Variants in C10orf90 observed in about 807,000 individuals in gnomAD.
C10orf90 encodes (E2-independent) E3 ubiquitin-conjugating enzyme FATS.
C10orf90 carries 56 observed loss-of-function variants against 62.5 expected under a neutral mutation model. The ratio of observed to expected loss-of-function variants is 0.90; its 90% confidence interval spans 0.72 to 1.12. C10orf90 has a LOEUF of 1.12. Ranked by LOEUF, C10orf90 falls within the 50% of genes most tolerant of loss-of-function variation. The pLI is 0.00. For missense variants in C10orf90, 970 were observed against 880.4 expected, an observed-to-expected ratio of 1.10 and a Z score of -1.29; for synonymous variants, 386 against 340.4, an observed-to-expected ratio of 1.13 and a Z score of -1.47.
chr10:126,635,278 T>A (rs1845927327), intron 2 of C10orf90, among the ~76,000 whole-genome samples: 1 of 152,170 alleles, frequency 6.6e-6, no homozygotes, highest in South Asian at 2.1e-4. Context: ...ACGGTCCTAT[T>A]ACAGATTATT....
chr10:126,554,671 C>T (rs938754059), intron 2 of C10orf90, among the ~76,000 whole-genome samples: 4 of 152,214 alleles, frequency 2.6e-5, no homozygotes, highest in Admixed American at 2.0e-4. Flanking sequence ...CCATTCCCTG[C>T]TACCAACTTT....
rs1845358118 is a variant in C10orf90 at position 126,608,303 on chromosome 10, G to T, written c.313+38262C>A. Among the ~76,000 whole-genome samples the T allele has an allele frequency of 5.3e-5, 8 of 152,152 alleles. 1 individual carries two copies. The South Asian group carries it at 1.7e-3, about 32-fold the overall frequency. On this transcript the variant is annotated intron_variant, in intron 2 of 9. Transcript: ENST00000488181. ...TTGTTTAATTTTTTTGTAGAGAAGA[G>T]GTCTCACTATGTTGCCCAGGCTGGT...
At chr10:126,634,092 A>G (rs1845903399) in intron 2 of C10orf90, among the ~76,000 whole-genome samples, 1 of 152,320 alleles carries the variant, frequency 6.6e-6, no homozygotes, top group South Asian at 2.1e-4. Flanking sequence ...AAAATTAAAA[A>G]TAAAACTACC....
chr10:126,525,089 C>T (rs1370108), intron 2 of C10orf90, among the ~76,000 whole-genome samples: 9,874 of 152,222 alleles, frequency 0.065, 1,047 homozygotes, highest in African/African-American at 0.22. Flanking sequence ...TAAGGGAGAT[C>T]CATGCTGCAA....
chr10:126,641,972 T>A lies in C10orf90; in HGVS notation c.313+4593A>T, dbSNP rs532643123. On this transcript the variant is annotated intron_variant, in intron 2 of 9. Transcript: ENST00000488181. ...ATAGCTTCATTGTGAAAATGAAGGATGCAGAAATGAAAATTCAGAGATGAC... is the reference window on the plus strand; with the variant it reads ...ATAGCTTCATTGTGAAAATGAAGGAAGCAGAAATGAAAATTCAGAGATGAC... Among the ~76,000 whole-genome samples the A allele has an allele frequency of 6.6e-5, 10 of 152,288 alleles. No individual in the cohort carries two copies. The South Asian group carries it at 2.1e-3, about 32-fold the overall frequency.
At chr10:126,559,443 C>T (rs1444787184) in intron 2 of C10orf90, among the ~76,000 whole-genome samples, 1 of 152,170 alleles carries the variant, frequency 6.6e-6, no homozygotes, top group Admixed American at 6.5e-5. Context: ...TTGACGAGGG[C>T]AAGTTCTGTG....
intron 2 of C10orf90, among the ~76,000 whole-genome samples, chr10:126,609,109 G>T (rs747732358): frequency 6.6e-6 from 1 of 152,118 alleles, no homozygotes; most frequent in Non-Finnish European, 1.5e-5. Flanking sequence ...ATGAAATAAG[G>T]TATGTGAATC....
chr10:126,623,072 T>C (rs1456524723), intron 2 of C10orf90, among the ~76,000 whole-genome samples: 1 of 152,184 alleles, frequency 6.6e-6, no homozygotes, highest in Non-Finnish European at 1.5e-5. Flanking sequence ...GCCCCGACCC[T>C]GCCTGGCCAG....
intron 3 of C10orf90, among the ~76,000 whole-genome samples, chr10:126,513,238 C>T (rs531981816): frequency 1.3e-4 from 20 of 152,242 alleles, no homozygotes; most frequent in East Asian, 1.2e-3. Flanking sequence ...GCAGGTTATA[C>T]GAGCTGTGAG....
intron 2 of C10orf90, among the ~76,000 whole-genome samples, chr10:126,564,227 G>A (rs769789927): frequency 1.2e-4 from 18 of 151,956 alleles, no homozygotes; most frequent in African/African-American, 3.1e-4. Context: ...TCCTCTCCAC[G>A]CTGAGCATTT....
chr10:126,579,438 A>C (rs1295913738), intron 2 of C10orf90, among the ~76,000 whole-genome samples: 3 of 151,984 alleles, frequency 2.0e-5, no homozygotes, highest in Non-Finnish European at 4.4e-5. Flanking sequence ...ATGGGGTTTC[A>C]TCACATTGGC....
chr10:126,466,165 A>T (rs1035746768), intron 4 of C10orf90, among the ~76,000 whole-genome samples: 4 of 152,028 alleles, frequency 2.6e-5, no homozygotes, highest in Non-Finnish European at 5.9e-5. Flanking sequence ...AAATGGCCCC[A>T]CCATTGCTGC....
At chr10:126,622,012 C>T (rs888493308) in intron 2 of C10orf90, among the ~76,000 whole-genome samples, 2 of 152,066 alleles carry the variant, frequency 1.3e-5, no homozygotes, top group Non-Finnish European at 2.9e-5. Context: ...TAGCAAGCAT[C>T]GTCCTGGCCT....
chr10:126,574,040 G>A (rs1369610791), intron 2 of C10orf90, among the ~76,000 whole-genome samples: 1 of 152,130 alleles, frequency 6.6e-6, no homozygotes, highest in African/African-American at 2.4e-5. Context: ...AATTCTAGTA[G>A]TCAAATATTT....
chr10:126,656,219 T>TC lies in C10orf90; in HGVS notation c.241-9583_241-9582insG, dbSNP rs537567147. On this transcript the variant is annotated intron_variant, in intron 1 of 9. Coordinates refer to ENST00000488181, the MANE Select transcript of C10orf90 (RefSeq NM_001350921.2). ...GGCAACTCCCAAAGGAAGGTACTAC[T>TC]GTAATCCCATTCTAAAGGCAAAGAA... 2.0e-5 allele frequency among the ~76,000 whole-genome samples: 3 copies of TC among 152,326 alleles called. No homozygotes were observed. In the East Asian group the frequency reaches 5.8e-4, roughly 29 times the overall value.
chr10:126,637,027 C>T (rs1336062965), intron 2 of C10orf90, among the ~76,000 whole-genome samples: 1 of 151,966 alleles, frequency 6.6e-6, no homozygotes. Context: ...ATACAACTAA[C>T]AATTAATAAG....
chr10:126,474,017 A>T (rs1340617888), intron 4 of C10orf90, among the ~76,000 whole-genome samples: 1 of 152,170 alleles, frequency 6.6e-6, no homozygotes, highest in Non-Finnish European at 1.5e-5. Flanking sequence ...TGCTACTAAA[A>T]ATGTGGTACA....
At chr10:126,564,281 TGG>T (rs1844250927) in intron 2 of C10orf90, among the ~76,000 whole-genome samples, 1 of 151,910 alleles carries the variant, frequency 6.6e-6, no homozygotes, top group Non-Finnish European at 1.5e-5. Flanking sequence ...ACATCAAGAA[TGG>T]AGACCCAGCC....
intron 2 of C10orf90, among the ~76,000 whole-genome samples, chr10:126,600,052 G>A (rs1357786052): frequency 1.3e-5 from 2 of 152,256 alleles, no homozygotes; most frequent in Non-Finnish European, 2.9e-5. Context: ...AGCAGAGAGG[G>A]CTCAGTTAAT....
Sources: allele counts gnomAD v4.1 joint callset (sites outside exome capture counted in the v4.1 genomes callset), GRCh38; gene constraint gnomAD v4.1.1; transcripts MANE v1.5; gene names NCBI Gene and HGNC (gene_info 2026-07-23, HGNC 2026-07-21).